TENM4: variants seen among roughly 807,000 people sequenced by gnomAD.
TENM4 encodes teneurin transmembrane protein 4.
A neutral mutation model predicts 243.3 loss-of-function variants in TENM4; 82 were observed. The ratio of observed to expected loss-of-function variants is 0.34; its 90% confidence interval spans 0.28 to 0.40. TENM4 has a LOEUF of 0.40. TENM4 is among the 10% of genes least tolerant of loss of function. TENM4 has a pLI of 1.00. For synonymous variants in TENM4, 1,412 were observed against 1,456.3 expected (o/e 0.97, Z 0.69); for missense variants, 3,138 against 3,673.3 (o/e 0.85, Z 3.77).
chr11:78,890,011 G>C lies in TENM4; in HGVS notation c.858C>G (p.Leu286=). ...HDGAYSDGHF[L]FKPGGTSPLF... Reference sequence around the variant, plus strand: ...GCGGGGAGGTGCCTCCAGGCTTGAAGAGGAAGTGCCTGCAGATGGAGAGCA... The same window carrying C: ...GCGGGGAGGTGCCTCCAGGCTTGAACAGGAAGTGCCTGCAGATGGAGAGCA... Residue 286 remains leucine (L), a synonymous_variant, in exon 9 of 34, where the codon CTC becomes CTG. Transcript: ENST00000278550. 1 of 1,539,198 alleles carries C rather than the reference G, an allele frequency of 6.5e-7. No homozygotes were observed. Among genetic ancestry groups the C allele is most frequent in the Non-Finnish European group, 8.8e-7 (1 of 1,138,288 alleles).
intron 1 of TENM4, among the ~76,000 whole-genome samples, chr11:79,361,662 TA>T (rs753016374): frequency 1.3e-5 from 2 of 152,110 alleles, no homozygotes; most frequent in Non-Finnish European, 2.9e-5. Context: ...ATGGCACAAA[TA>T]GACTACTTTG....
intron 3 of TENM4, among the ~76,000 whole-genome samples, chr11:79,151,885 G>C (rs546569085): frequency 6.6e-6 from 1 of 152,168 alleles, no homozygotes; most frequent in African/African-American, 2.4e-5. Flanking sequence ...TGTCTCCTTG[G>C]AGGTAAGAGA....
intron 30 of TENM4, among the ~76,000 whole-genome samples, chr11:78,673,657 G>C (rs2135685905): frequency 6.6e-6 from 1 of 152,348 alleles, no homozygotes; most frequent in Admixed American, 6.5e-5. Context: ...TGTGAAGGTT[G>C]AAGAAACTTA....
intron 1 of TENM4, among the ~76,000 whole-genome samples, chr11:79,303,828 G>A (rs1049064530): frequency 2.0e-5 from 3 of 152,046 alleles, no homozygotes; most frequent in Non-Finnish European, 4.4e-5. Context: ...ACTCAAATAG[G>A]TCCCCGGGCA....
At chr11:78,903,819 T>G in intron 6 of TENM4, 1 of 660,572 alleles carries the variant, frequency 1.5e-6, no homozygotes, top group Non-Finnish European at 2.8e-6. Context: ...TCTCAGCAAC[T>G]TCACATTGTT....
intron 1 of TENM4, among the ~76,000 whole-genome samples, chr11:79,349,842 C>T (rs1287115463): frequency 6.6e-6 from 1 of 152,174 alleles, no homozygotes; most frequent in Non-Finnish European, 1.5e-5. Context: ...ACAGTCCAGA[C>T]TCACAAAGCA....
intron 19 of TENM4, among the ~76,000 whole-genome samples, chr11:78,739,352 C>T (rs1293799555): frequency 6.6e-6 from 1 of 152,176 alleles, no homozygotes; most frequent in African/African-American, 2.4e-5. Context: ...GAAGAGCCAA[C>T]TATTAATGAC....
At chr11:79,115,732 G>A (rs533666519) in intron 4 of TENM4, among the ~76,000 whole-genome samples, 7 of 152,320 alleles carry the variant, frequency 4.6e-5, no homozygotes, top group East Asian at 1.9e-4. Context: ...TCAGAACCCT[G>A]CAAGCAAGGT....
intron 6 of TENM4, among the ~76,000 whole-genome samples, chr11:78,976,189 C>T (rs1857649963): frequency 1.3e-5 from 2 of 152,212 alleles, no homozygotes; most frequent in Admixed American, 1.3e-4. Context: ...AAGCTACAGA[C>T]CTAGTGAGGT....
At chr11:78,873,553 C>T (rs1330669028) in intron 9 of TENM4, among the ~76,000 whole-genome samples, 2 of 152,148 alleles carry the variant, frequency 1.3e-5, no homozygotes, top group Non-Finnish European at 2.9e-5. Flanking sequence ...ATGGAACCTG[C>T]CCCTAACCAC....
chr11:78,768,116 T>C (rs752114090), intron 18 of TENM4, among the ~76,000 whole-genome samples: 3 of 152,254 alleles, frequency 2.0e-5, no homozygotes, highest in Non-Finnish European at 4.4e-5. Flanking sequence ...CTTACTACCC[T>C]GGCACTTGGG....
intron 31 of TENM4, among the ~76,000 whole-genome samples, chr11:78,671,426 T>C (rs1858322820): frequency 6.6e-6 from 1 of 152,216 alleles, no homozygotes; most frequent in Non-Finnish European, 1.5e-5. Context: ...GGGATCTGGA[T>C]ACTTGAAATG....
chr11:79,066,745 C>T (rs1157574651), intron 5 of TENM4, among the ~76,000 whole-genome samples: 2 of 150,442 alleles, frequency 1.3e-5, no homozygotes, highest in South Asian at 2.1e-4. Flanking sequence ...CGCACATGCA[C>T]ACACGCACGC....
chr11:79,312,201 TGTAGA>T (rs373816661), intron 1 of TENM4, among the ~76,000 whole-genome samples: 78 of 152,224 alleles, frequency 5.1e-4, no homozygotes, highest in African/African-American at 1.6e-3. Flanking sequence ...CTTCCTGCCG[TGTAGA>T]GTAGTCATTT....
At chr11:78,890,588 A>T (rs1359108624) in intron 8 of TENM4, among the ~76,000 whole-genome samples, 1 of 152,214 alleles carries the variant, frequency 6.6e-6, no homozygotes, top group Non-Finnish European at 1.5e-5. Flanking sequence ...TTAGTCCCCT[A>T]GTGGCTGTCA....
intron 1 of TENM4, among the ~76,000 whole-genome samples, chr11:79,299,486 G>T (rs1416822055): frequency 1.3e-5 from 2 of 152,122 alleles, no homozygotes; most frequent in East Asian, 1.9e-4. Flanking sequence ...TCCAGGCAGG[G>T]TCATCCTCTT....
At chr11:79,181,929 T>C (rs1236610515) in intron 3 of TENM4, among the ~76,000 whole-genome samples, 1 of 144,530 alleles carries the variant, frequency 6.9e-6, no homozygotes, top group Non-Finnish European at 1.5e-5. Context: ...AACCAAAAAA[T>C]TCTGATGAAA....
intron 9 of TENM4, among the ~76,000 whole-genome samples, chr11:78,867,531 C>T (rs1263487380): frequency 6.6e-6 from 1 of 152,190 alleles, no homozygotes; most frequent in Non-Finnish European, 1.5e-5. Flanking sequence ...GTTTGCTCTG[C>T]TCTCCTCTTT....
At chr11:78,728,073 C>A (rs187084848) in intron 22 of TENM4, among the ~76,000 whole-genome samples, 9 of 152,140 alleles carry the variant, frequency 5.9e-5, no homozygotes, top group Admixed American at 2.0e-4. Flanking sequence ...AACTGACTGG[C>A]GGGCACTAGA....
Sources: allele counts gnomAD v4.1 joint callset (sites outside exome capture counted in the v4.1 genomes callset), GRCh38; gene constraint gnomAD v4.1.1; transcripts MANE v1.5; gene names NCBI Gene and HGNC (gene_info 2026-07-23, HGNC 2026-07-21).